WNT1: variants seen among roughly 807,000 people sequenced by gnomAD.
WNT1 encodes the protein Wnt family member 1, also known as proto-oncogene Wnt-1.
Under a neutral mutation model 21.3 loss-of-function variants are expected in WNT1, and 10 were observed. The ratio of observed to expected loss-of-function variants is 0.47; its 90% confidence interval spans 0.29 to 0.80. WNT1 has a LOEUF of 0.80. WNT1 is among the 30% of genes least tolerant of loss of function. WNT1 has a pLI of 0.09. For missense variants in WNT1, 476 were observed against 534.1 expected (o/e 0.89, Z 1.07); for synonymous variants, 208 against 236.3 (o/e 0.88, Z 1.10).
In WNT1 at chr12:48,979,480, C is replaced by A. The variant is rs958164260; in HGVS notation, c.117C>A (p.Asn39Lys). 2.5e-6 allele frequency: 4 copies of A among 1,610,582 alleles called. No homozygotes were observed. The Admixed American group carries it at 5.0e-5, about 20-fold the overall frequency. ...NSSGRWWGIVNVASSTNLLTD... is the reference protein window; with the variant it reads ...NSSGRWWGIVKVASSTNLLTD... ...TACGTCCCACCAGGGGTATTGTGAACGTAGCCTCCTCCACGAACCTGCTTA... is the reference window on the plus strand; with the variant it reads ...TACGTCCCACCAGGGGTATTGTGAAAGTAGCCTCCTCCACGAACCTGCTTA... The change falls in exon 2 of 4, where the codon AAC becomes AAA. Residue 39 changes from asparagine (N) to lysine (K), a missense_variant. Physicochemically the swap from Asn to Lys is moderately conservative, Grantham distance 94. Coordinates refer to ENST00000293549, the MANE Select transcript of WNT1 (RefSeq NM_005430.4). The surrounding 1 kb of genome is among the most constrained non-coding windows in gnomAD (Gnocchi z 6.0).
rs1941015881 is a variant in WNT1 at position 48,981,588 on chromosome 12, A to G, written c.1061A>G (p.His354Arg). Reference sequence around the variant, plus strand: ...AACTGCACCTTCCACTGGTGCTGCCACGTCAGCTGCCGCAACTGCACGCAC... The same window carrying G: ...AACTGCACCTTCCACTGGTGCTGCCGCGTCAGCTGCCGCAACTGCACGCAC... ...RCNCTFHWCC[H>R]VSCRNCTHTR... Residue 354 changes from histidine (H) to arginine (R), a missense_variant, in exon 4 of 4, where the codon CAC becomes CGC. Coordinates refer to ENST00000293549, the MANE Select transcript of WNT1 (RefSeq NM_005430.4). This position sits in a 1 kb window ranked among gnomAD's most constrained non-coding sequence, Gnocchi z 7.4. 2.0e-6 allele frequency: 3 copies of G among 1,500,270 alleles called. No homozygotes were observed. Among genetic ancestry groups the G allele is most frequent in the Non-Finnish European group, 1.8e-6 (2 of 1,127,292 alleles). 92.9% of individuals were successfully genotyped at this position (1,500,270 alleles called of 1,614,324 possible).
chr12:48,981,278 G>C lies in WNT1; in HGVS notation c.751G>C (p.Asp251His). The C allele has an allele frequency of 6.2e-7, 1 of 1,601,582 alleles. No homozygotes were observed. Among genetic ancestry groups the C allele is most frequent in the Non-Finnish European group, 8.5e-7 (1 of 1,174,472 alleles). ...GGGCGATGTGCTGCGCGACCGCTTC[G>C]ACGGCGCCTCGCGCGTCCTGTACGG... is the stretch of plus-strand genomic sequence containing the variant. ...AVGDVLRDRF[D>H]GASRVLYGNR... The change falls in exon 4 of 4, where the codon GAC becomes CAC. Residue 251 changes from aspartate (D) to histidine (H), a missense_variant. Physicochemically the swap from Asp to His is moderately conservative, Grantham distance 81. Transcript: ENST00000293549. The surrounding 1 kb of genome is among the most constrained non-coding windows in gnomAD (Gnocchi z 7.4).
At position 48,978,602 on chromosome 12, in the gene WNT1, A is replaced by G; in HGVS notation, c.-49A>G. The G allele has an allele frequency of 1.4e-6, 2 of 1,424,414 alleles. No homozygotes were observed. Among genetic ancestry groups the G allele is most frequent in the South Asian group, 2.4e-5 (2 of 82,342 alleles). The allele number at this position is 1,424,414 out of a possible 1,614,324, so 88.2% of individuals were successfully genotyped here. A position where few individuals can be genotyped will look rare whatever the true frequency, so the allele number is the denominator to read the frequency against. On this transcript the variant is annotated 5_prime_UTR_variant, in exon 1 of 4. Coordinates refer to ENST00000293549, the MANE Select transcript of WNT1 (RefSeq NM_005430.4). This position sits in a 1 kb window ranked among gnomAD's most constrained non-coding sequence, Gnocchi z 7.4. The stretch of plus-strand genomic sequence containing the variant: ...TCCCGTCCCACCGTCGCGGGCAACA[A>G]CCAAAGTCGCCGCAACTGCAGCACA...
At position 48,981,547 on chromosome 12, in the gene WNT1, C is replaced by A; in HGVS notation, c.1020C>A (p.Arg340=). The A allele has an allele frequency of 6.5e-7, 1 of 1,536,050 alleles. No individual in the cohort carries two copies. ...GGGGCCACCGCACGCGCACGCAGCG[C>A]GTCACCGAGCGCTGCAACTGCACCT... ...CGRGHRTRTQ[R]VTERCNCTFH... is the part of the protein sequence containing the mutation. The change falls in exon 4 of 4, where the codon CGC becomes CGA. Residue 340 remains arginine, a synonymous_variant. Coordinates refer to ENST00000293549, the MANE Select transcript of WNT1 (RefSeq NM_005430.4). This position sits in a 1 kb window ranked among gnomAD's most constrained non-coding sequence, Gnocchi z 7.4.
Position 48,981,041 on chromosome 12 carries a change from C to T in WNT1, c.625-111C>T, listed in dbSNP as rs959282870. On this transcript the variant is annotated intron_variant, in intron 3 of 3. Transcript: ENST00000293549. This position sits in a 1 kb window ranked among gnomAD's most constrained non-coding sequence, Gnocchi z 7.4. Reference sequence around the variant, plus strand: ...CTCCCTTCCCCTGGGCTCAGCTAGGCCTGGGCCTTTGCTGAGGTCCGGCCC... The same window carrying T: ...CTCCCTTCCCCTGGGCTCAGCTAGGTCTGGGCCTTTGCTGAGGTCCGGCCC... 4.0e-6 allele frequency: 6 copies of T among 1,499,902 alleles called. No individual in the cohort carries two copies. In the African/African-American group the frequency reaches 8.5e-5, roughly 21 times the overall value. 92.9% of individuals were successfully genotyped at this position (1,499,902 alleles called of 1,614,324 possible).
At position 48,980,709 on chromosome 12, in the gene WNT1, G is replaced by A. The variant is rs762684155; in HGVS notation, c.624+20G>A. ...CGTACGGTGAGCTTTGAGAGGCTCC[G>A]CACCCTAAGCGGAGCGGCAGGGGCC... On this transcript the variant is annotated intron_variant, in intron 3 of 3. Coordinates refer to ENST00000293549, the MANE Select transcript of WNT1 (RefSeq NM_005430.4). This position sits in a 1 kb window ranked among gnomAD's most constrained non-coding sequence, Gnocchi z 7.0. The A allele has an allele frequency of 9.2e-6, 14 of 1,515,772 alleles. No homozygotes were observed. The highest frequency in any genetic ancestry group is 1.4e-5 in the African/African-American group (1 of 71,820). 93.9% of individuals were successfully genotyped at this position (1,515,772 alleles called of 1,614,324 possible).
In WNT1 at chr12:48,978,375, GGTGCGCCCTGGTGCCACA is replaced by G; in HGVS notation, c.-270_-253del. 2.0e-6 allele frequency: 1 copy of G among 506,192 alleles called. No individual in the cohort carries two copies. The highest frequency in any genetic ancestry group is 3.5e-6 in the Non-Finnish European group (1 of 283,518). The allele number at this position is 506,192 out of a possible 1,614,324, so 31.4% of individuals were successfully genotyped here. A position where few individuals can be genotyped will look rare whatever the true frequency, so the allele number is the denominator to read the frequency against. On this transcript the variant is annotated 5_prime_UTR_variant, in exon 1 of 4. Transcript: ENST00000293549. This position sits in a 1 kb window ranked among gnomAD's most constrained non-coding sequence, Gnocchi z 7.4. ...CTGCCCATTGTCTGCGCCCCTAACCGGTGCGCCCTGGTGCCACAGTGCGGCCCGGAGGGGCAGCCTCCT... is the reference window on the plus strand; with the variant it reads ...CTGCCCATTGTCTGCGCCCCTAACCGGTGCGGCCCGGAGGGGCAGCCTCCT...
chr12:48,979,732 AG>A lies in WNT1; in HGVS notation c.358+13del, dbSNP rs1337835087. On this transcript the variant is annotated intron_variant, in intron 2 of 3. Coordinates refer to ENST00000293549, the MANE Select transcript of WNT1 (RefSeq NM_005430.4). The surrounding 1 kb of genome is among the most constrained non-coding windows in gnomAD (Gnocchi z 6.0). The stretch of plus-strand genomic sequence containing the variant: ...AGATCGTCAACCGAGGTGGGTGCCC[AG>A]GAAGGCGACGCTTCCGGGAGCAGGG... 4 of 1,575,774 alleles carry A rather than the reference AG, an allele frequency of 2.5e-6. No individual in the cohort carries two copies. The highest frequency in any genetic ancestry group is 3.5e-6 in the Non-Finnish European group (4 of 1,156,880).
Position 48,980,530 on chromosome 12 carries a change from C to T in WNT1, c.465C>T (p.Tyr155=). The change falls in exon 3 of 4, where the codon TAC becomes TAT. Residue 155 remains tyrosine (Y), a synonymous_variant. Coordinates refer to ENST00000293549, the MANE Select transcript of WNT1 (RefSeq NM_005430.4). This position sits in a 1 kb window ranked among gnomAD's most constrained non-coding sequence, Gnocchi z 7.0. ...CCATCGAATCCTGCACGTGTGACTACCGGCGGCGCGGCCCCGGGGGCCCCG... is the reference window on the plus strand; with the variant it reads ...CCATCGAATCCTGCACGTGTGACTATCGGCGGCGCGGCCCCGGGGGCCCCG... The part of the protein sequence containing the change: ...EGSIESCTCD[Y]RRRGPGGPDW... 6.2e-7 allele frequency: 1 copy of T among 1,613,744 alleles called. No homozygotes were observed. The highest frequency in any genetic ancestry group is 8.5e-7 in the Non-Finnish European group (1 of 1,179,842).
rs1333082738 is a variant in WNT1, at chr12:48,982,558, C to T, written c.*918C>T. Among the ~76,000 whole-genome samples, 1 of 152,184 alleles carries T rather than the reference C, an allele frequency of 6.6e-6. No individual in the cohort carries two copies. Among genetic ancestry groups the T allele is most frequent in the East Asian group, 1.9e-4 (1 of 5,186 alleles). ...TTCCTTCCACTGTAGCTATTAGCGGCTCCTCGCCCCCACCAGTGTAGCATC... is the reference window on the plus strand; with the variant it reads ...TTCCTTCCACTGTAGCTATTAGCGGTTCCTCGCCCCCACCAGTGTAGCATC... On this transcript the variant is annotated 3_prime_UTR_variant, in exon 4 of 4. Transcript: ENST00000293549.
chr12:48,979,629 C>G lies in WNT1; in HGVS notation c.266C>G (p.Ala89Gly). The G allele has an allele frequency of 6.2e-7, 1 of 1,613,924 alleles. No homozygotes were observed. ...AGCGTGAGTGGGGGGCTGCAGAGTG[C>G]CGTGCGCGAGTGCAAGTGGCAGTTC... ...LHSVSGGLQS[A>G]VRECKWQFRN... The change falls in exon 2 of 4, where the codon GCC (alanine) becomes GGC (glycine). Residue 89 changes from alanine to glycine, a missense_variant. By Grantham distance (60) the Ala-to-Gly change is moderately conservative. Transcript: ENST00000293549. This position sits in a 1 kb window ranked among gnomAD's most constrained non-coding sequence, Gnocchi z 6.0.
chr12:48,979,028 C>T lies in WNT1; in HGVS notation c.104+274C>T, dbSNP rs1940974020. On this transcript the variant is annotated intron_variant, in intron 1 of 3. Coordinates refer to ENST00000293549, the MANE Select transcript of WNT1 (RefSeq NM_005430.4). This position sits in a 1 kb window ranked among gnomAD's most constrained non-coding sequence, Gnocchi z 6.0. Reference sequence around the variant, plus strand: ...GCCCTTCCCCTTTGAGCGCCAACTCCAGCCTCACGGCGGTGGCTCACCACA... The same window carrying T: ...GCCCTTCCCCTTTGAGCGCCAACTCTAGCCTCACGGCGGTGGCTCACCACA... Among the ~76,000 whole-genome samples the T allele has an allele frequency of 6.6e-6, 1 of 152,264 alleles. No homozygotes were observed. Among genetic ancestry groups the T allele is most frequent in the Non-Finnish European group, 1.5e-5 (1 of 68,052 alleles).
rs1940980119 is a variant in WNT1, at chr12:48,979,381, C to A, written c.105-87C>A. On this transcript the variant is annotated intron_variant, in intron 1 of 3. Transcript: ENST00000293549. The surrounding 1 kb of genome is among the most constrained non-coding windows in gnomAD (Gnocchi z 6.0). ...TCCCGCCATTCTCTCCAGCCACATA[C>A]CCCCAGGAAGAGGACCGGGTGGCAC... 3 of 1,472,302 alleles carry A rather than the reference C, an allele frequency of 2.0e-6. No homozygotes were observed. The highest frequency in any genetic ancestry group is 9.1e-7 in the Non-Finnish European group (1 of 1,099,744). The allele number at this position is 1,472,302 out of a possible 1,614,324, so 91.2% of individuals were successfully genotyped here.
rs957263950 is a variant in WNT1 at position 48,978,421 on chromosome 12, C to G, written c.-230C>G. 1.1e-4 allele frequency: 65 copies of G among 569,382 alleles called. No homozygotes were observed. Among genetic ancestry groups the G allele is most frequent in the Non-Finnish European group, 1.9e-4 (61 of 321,446 alleles). 35.3% of individuals were successfully genotyped at this position (569,382 alleles called of 1,614,324 possible). The stretch of plus-strand genomic sequence containing the variant: ...GCGGCCCGGAGGGGCAGCCTCCTCC[C>G]GTCACTTCAGCCAGCGCCGCAACTA... On this transcript the variant is annotated 5_prime_UTR_variant, in exon 1 of 4. Transcript: ENST00000293549. This position sits in a 1 kb window ranked among gnomAD's most constrained non-coding sequence, Gnocchi z 7.4.
chr12:48,980,283 C>A lies in WNT1; in HGVS notation c.359-141C>A. 1 of 968,934 alleles carries A rather than the reference C, an allele frequency of 1.0e-6. No individual in the cohort carries two copies. 60.0% of individuals were successfully genotyped at this position (968,934 alleles called of 1,614,324 possible). A position where few individuals can be genotyped will look rare whatever the true frequency, so the allele number is the denominator to read the frequency against. On this transcript the variant is annotated intron_variant, in intron 2 of 3. Coordinates refer to ENST00000293549, the MANE Select transcript of WNT1 (RefSeq NM_005430.4). This position sits in a 1 kb window ranked among gnomAD's most constrained non-coding sequence, Gnocchi z 7.0. ...TGCTTTCTCTACTAGCCCTAGAGAC[C>A]AGCTTTCCAGCACTGCCGGCCCTGG... is the stretch of plus-strand genomic sequence containing the variant.
Position 48,980,231 on chromosome 12 carries a change from G to A in WNT1, c.359-193G>A, listed in dbSNP as rs753391200. Among the ~76,000 whole-genome samples the A allele has an allele frequency of 1.3e-5, 2 of 152,226 alleles. No individual in the cohort carries two copies. The highest frequency in any genetic ancestry group is 6.5e-5 in the Admixed American group (1 of 15,286). On this transcript the variant is annotated intron_variant, in intron 2 of 3. Coordinates refer to ENST00000293549, the MANE Select transcript of WNT1 (RefSeq NM_005430.4). The surrounding 1 kb of genome is among the most constrained non-coding windows in gnomAD (Gnocchi z 7.0). Reference sequence around the variant, plus strand: ...CTCCCAGTAAGGTGTGATTACGCCCGTGGACGTGGCTGCGTGCCCACGCAC... The same window carrying A: ...CTCCCAGTAAGGTGTGATTACGCCCATGGACGTGGCTGCGTGCCCACGCAC...
In WNT1 at chr12:48,981,717, G is replaced by T; in HGVS notation, c.*77G>T. 1 of 1,401,252 alleles carries T rather than the reference G, an allele frequency of 7.1e-7. No individual in the cohort carries two copies. The highest frequency in any genetic ancestry group is 1.6e-5 in the South Asian group (1 of 63,680). The allele number at this position is 1,401,252 out of a possible 1,614,324, so 86.8% of individuals were successfully genotyped here. ...ACAGACTCGCTAGCACTCAAGACCC[G>T]GTTATTCGCCCACCCGAGTACCTCC... On this transcript the variant is annotated 3_prime_UTR_variant, in exon 4 of 4. Transcript: ENST00000293549. This position sits in a 1 kb window ranked among gnomAD's most constrained non-coding sequence, Gnocchi z 7.4.
In WNT1 at chr12:48,980,494, C is replaced by T. The variant is rs1940995360; in HGVS notation, c.429C>T (p.Cys143=). ...TCACCCATTCGGTGGCGCGCTCCTGCTCAGAAGGTTCCATCGAATCCTGCA... is the reference window on the plus strand; with the variant it reads ...TCACCCATTCGGTGGCGCGCTCCTGTTCAGAAGGTTCCATCGAATCCTGCA... ...AGVTHSVARS[C]SEGSIESCTC... The change falls in exon 3 of 4, where the codon TGC becomes TGT. Residue 143 remains cysteine (C), a synonymous_variant. Coordinates refer to ENST00000293549, the MANE Select transcript of WNT1 (RefSeq NM_005430.4). The surrounding 1 kb of genome is among the most constrained non-coding windows in gnomAD (Gnocchi z 7.0). 6.2e-7 allele frequency: 1 copy of T among 1,614,204 alleles called. No homozygotes were observed. The highest frequency in any genetic ancestry group is 1.7e-5 in the Admixed American group (1 of 60,036).
chr12:48,981,677 C>A lies in WNT1; in HGVS notation c.*37C>A. 1 of 1,423,376 alleles carries A rather than the reference C, an allele frequency of 7.0e-7. No individual in the cohort carries two copies. The highest frequency in any genetic ancestry group is 9.1e-7 in the Non-Finnish European group (1 of 1,093,618). The allele number at this position is 1,423,376 out of a possible 1,614,324, so 88.2% of individuals were successfully genotyped here. ...GACTCGCCCCCAGGAACGCTCTCCT[C>A]GAGCCCTCCCCCAAACAGACTCGCT... On this transcript the variant is annotated 3_prime_UTR_variant, in exon 4 of 4. Coordinates refer to ENST00000293549, the MANE Select transcript of WNT1 (RefSeq NM_005430.4). The surrounding 1 kb of genome is among the most constrained non-coding windows in gnomAD (Gnocchi z 7.4).
Sources: allele counts gnomAD v4.1 joint callset (sites outside exome capture counted in the v4.1 genomes callset), GRCh38; gene constraint gnomAD v4.1.1; non-coding constraint Gnocchi (gnomAD v3.1); transcripts MANE v1.5; gene names NCBI Gene and HGNC (gene_info 2026-07-23, HGNC 2026-07-21).